The following DYNC1I1 variants were observed in gnomAD, a reference collection of about 807,000 sequenced individuals.
DYNC1I1 encodes cytoplasmic dynein 1 intermediate chain 1.
A neutral mutation model predicts 86.6 loss-of-function variants in DYNC1I1; 43 were observed. That is an observed-to-expected ratio of 0.50 (90% CI 0.39 to 0.64). The LOEUF is 0.64. Ranked by LOEUF, DYNC1I1 falls within the 30% of genes least tolerant of loss-of-function variation. DYNC1I1 has a pLI of 0.00. For synonymous variants in DYNC1I1, 262 were observed against 283.7 expected, an observed-to-expected ratio of 0.92 and a Z score of 0.77; for missense variants, 604 against 788.8, an observed-to-expected ratio of 0.77 and a Z score of 2.81.
At chr7:96,020,124 G>A (rs7799832) in intron 10 of DYNC1I1, among the ~76,000 whole-genome samples, 42,763 of 149,240 alleles carry the variant, frequency 0.29, 6,267 homozygotes, top group Middle Eastern at 0.34. Flanking sequence ...ACAGAAAATA[G>A]CAAGTGTTGG....
intron 6 of DYNC1I1, among the ~76,000 whole-genome samples, chr7:95,952,460 C>T (rs1033534258): frequency 4.6e-5 from 7 of 152,264 alleles, no homozygotes; most frequent in Admixed American, 2.6e-4. Flanking sequence ...AAGACTAAGA[C>T]GTAGATTTAA....
intron 6 of DYNC1I1, among the ~76,000 whole-genome samples, chr7:95,900,246 T>C (rs933540291): frequency 6.6e-6 from 1 of 152,146 alleles, no homozygotes; most frequent in African/African-American, 2.4e-5. Context: ...CCTTCCCCTT[T>C]AATTCTTACT....
At chr7:95,971,528 C>A (rs1793170922) in intron 6 of DYNC1I1, among the ~76,000 whole-genome samples, 1 of 152,094 alleles carries the variant, frequency 6.6e-6, no homozygotes, top group Non-Finnish European at 1.5e-5. Context: ...AAACTCAGGT[C>A]TTTATATCTC....
intron 4 of DYNC1I1, among the ~76,000 whole-genome samples, chr7:95,816,336 T>C (rs1411251643): frequency 6.6e-6 from 1 of 152,208 alleles, no homozygotes; most frequent in Non-Finnish European, 1.5e-5. Context: ...CTTACTGATT[T>C]TTAAGAGCAG....
intron 10 of DYNC1I1, among the ~76,000 whole-genome samples, chr7:96,024,268 T>A (rs1390603374): frequency 6.6e-6 from 1 of 152,216 alleles, no homozygotes; most frequent in Non-Finnish European, 1.5e-5. Context: ...TTTTCTTTTT[T>A]AAATATTTTG....
At chr7:95,863,464 A>G (rs1460407826) in intron 5 of DYNC1I1, among the ~76,000 whole-genome samples, 1 of 151,978 alleles carries the variant, frequency 6.6e-6, no homozygotes, top group Admixed American at 6.6e-5. Flanking sequence ...ATAACCATTA[A>G]ATTATACAGT....
At chr7:96,003,212 C>A (rs1374149780) in intron 10 of DYNC1I1, among the ~76,000 whole-genome samples, 2 of 152,200 alleles carry the variant, frequency 1.3e-5, no homozygotes, top group Non-Finnish European at 2.9e-5. Context: ...TGTTATTGTG[C>A]TTTTGCCACT....
In DYNC1I1 at chr7:95,827,543, A is replaced by G. The variant is rs756010528; in HGVS notation, c.315-514A>G. Among the ~76,000 whole-genome samples, 18 of 152,178 alleles carry G rather than the reference A, an allele frequency of 1.2e-4. 1 individual carries two copies. Among genetic ancestry groups the G allele is most frequent in the Non-Finnish European group, 2.5e-4 (17 of 68,034 alleles). ...ATATATAAATAAGCATAAAATACTC[A>G]TGAGTCTTGAAATCTAATGCATTAT... is the stretch of plus-strand genomic sequence containing the variant. On this transcript the variant is annotated intron_variant, in intron 4 of 16. Transcript: ENST00000447467.
chr7:95,906,307 T>G (rs374799904), intron 6 of DYNC1I1, among the ~76,000 whole-genome samples: 46 of 152,322 alleles, frequency 3.0e-4, no homozygotes, highest in African/African-American at 1.1e-3. Context: ...CTACGGTTTC[T>G]GCATCTAGGA....
At chr7:95,933,384 A>G (rs1791954020) in intron 6 of DYNC1I1, among the ~76,000 whole-genome samples, 1 of 152,198 alleles carries the variant, frequency 6.6e-6, no homozygotes, top group Non-Finnish European at 1.5e-5. Flanking sequence ...TTAAAGTATC[A>G]TTAGAAAGGA....
intron 5 of DYNC1I1, among the ~76,000 whole-genome samples, chr7:95,843,633 G>A (rs1262922791): frequency 2.0e-5 from 3 of 152,110 alleles, no homozygotes; most frequent in African/African-American, 4.8e-5. Flanking sequence ...ATTCTGGTTT[G>A]TATGTTAACT....
intron 5 of DYNC1I1, among the ~76,000 whole-genome samples, chr7:95,829,862 T>G (rs1201776012): frequency 6.6e-6 from 1 of 152,088 alleles, no homozygotes. Flanking sequence ...GGCATTTATT[T>G]ATTTATTATT....
intron 16 of DYNC1I1, among the ~76,000 whole-genome samples, chr7:96,089,012 T>C (rs42066): frequency 0.88 from 133,884 of 152,122 alleles, 59,100 homozygotes; most frequent in East Asian, 0.98. Context: ...CTCCTAATAG[T>C]CAACCAATAG....
chr7:96,008,609 G>A (rs1794198676), intron 10 of DYNC1I1, among the ~76,000 whole-genome samples: 1 of 152,180 alleles, frequency 6.6e-6, no homozygotes, highest in Non-Finnish European at 1.5e-5. Flanking sequence ...TTTACTAACT[G>A]TCAAAGTCAG....
chr7:95,791,287 A>C (rs574452952), intron 1 of DYNC1I1, among the ~76,000 whole-genome samples: 10 of 152,330 alleles, frequency 6.6e-5, no homozygotes, highest in African/African-American at 2.4e-4. Flanking sequence ...TCCTCTATCG[A>C]GAGAGAGTGC....
In DYNC1I1 at chr7:96,061,013, G is replaced by A. The variant is rs570606752; in HGVS notation, c.1510-15044G>A. On this transcript the variant is annotated intron_variant, in intron 14 of 16. Transcript: ENST00000447467. Reference sequence around the variant, plus strand: ...TTCTGTCAGTGTTTGAGAGGGGATTGTGGGGTGAGGGAGGACTTTATCTGG... The same window carrying A: ...TTCTGTCAGTGTTTGAGAGGGGATTATGGGGTGAGGGAGGACTTTATCTGG... 3.9e-5 allele frequency among the ~76,000 whole-genome samples: 6 copies of A among 152,294 alleles called. No individual in the cohort carries two copies. In the South Asian group the frequency reaches 1.2e-3, roughly 32 times the overall value.
chr7:95,894,268 A>T (rs10273197), intron 6 of DYNC1I1, among the ~76,000 whole-genome samples: 1 of 152,056 alleles, frequency 6.6e-6, no homozygotes, highest in African/African-American at 2.4e-5. Flanking sequence ...TCAAGATTCC[A>T]GGAGACTTGG....
chr7:95,880,235 G>T (rs1033933559), intron 6 of DYNC1I1, among the ~76,000 whole-genome samples: 1 of 152,102 alleles, frequency 6.6e-6, no homozygotes, highest in Non-Finnish European at 1.5e-5. Flanking sequence ...TGGTAAGAGA[G>T]AATTCCACCA....
chr7:95,986,723 C>T (rs928472320), intron 8 of DYNC1I1, among the ~76,000 whole-genome samples: 1 of 151,866 alleles, frequency 6.6e-6, no homozygotes, highest in South Asian at 2.1e-4. Context: ...TTCTAATAAG[C>T]CCTGCTTCAG....
Sources: gnomAD v4.1 joint callset for allele counts (sites outside exome capture counted in the v4.1 genomes callset) on GRCh38, gnomAD v4.1.1 for gene constraint, MANE v1.5 for transcripts, NCBI Gene and HGNC (gene_info 2026-07-23, HGNC 2026-07-21) for gene names.